The following SATB1 variants were observed in gnomAD, a reference collection of about 807,000 sequenced individuals.
SATB1 encodes DNA-binding protein SATB1.
Under a neutral mutation model 86.9 loss-of-function variants are expected in SATB1, and 11 were observed. The observed-to-expected ratio is 0.13, with a 90% CI of 0.08 to 0.21. The LOEUF (loss-of-function observed/expected upper bound fraction) is 0.21, where lower values mean the gene tolerates loss of function less well. Ranked by LOEUF, SATB1 falls within the 10% of genes least tolerant of loss-of-function variation. The pLI, the probability that SATB1 is intolerant of heterozygous loss-of-function variation, is 1.00. For missense variants in SATB1, 551 were observed against 937.6 expected, an observed-to-expected ratio of 0.59 and a Z score of 5.39; for synonymous variants, 357 against 357.2, an observed-to-expected ratio of 1.00 and a Z score of 0.01.
intron 9 of SATB1, among the ~76,000 whole-genome samples, chr3:18,359,853 T>G (rs1222680493): frequency 6.6e-6 from 1 of 151,892 alleles, no homozygotes; most frequent in Non-Finnish European, 1.5e-5. Flanking sequence ...TGGTGTAACA[T>G]TTTCATCAGT....
rs1694059965 is a variant in SATB1 at position 18,346,424 on chromosome 3, A to G, written c.*2746T>C. The G allele has an allele frequency of 1.3e-5, 2 of 152,288 alleles. No individual in the cohort carries two copies. Among genetic ancestry groups the G allele is most frequent in the South Asian group, 4.1e-4 (2 of 4,826 alleles). 9.4% of individuals were successfully genotyped at this position (152,288 alleles called of 1,614,324 possible). A position where few individuals can be genotyped will look rare whatever the true frequency, so the allele number is the denominator to read the frequency against. ...TGAAGCTTGTTAAAGGAATTTTACC[A>G]TAGCCACAGGTAACAAGAGGAGGAT... On this transcript the variant is annotated 3_prime_UTR_variant, in exon 11 of 11. Transcript: ENST00000338745.
intron 8 of SATB1, among the ~76,000 whole-genome samples, chr3:18,385,963 TA>T (rs1696324219): frequency 6.6e-6 from 1 of 152,178 alleles, no homozygotes; most frequent in Non-Finnish European, 1.5e-5. Context: ...AGATGGTGTG[TA>T]ATTGGTACCA....
chr3:18,407,078 G>C (rs544185172), intron 5 of SATB1, among the ~76,000 whole-genome samples: 1 of 152,120 alleles, frequency 6.6e-6, no homozygotes, highest in Non-Finnish European at 1.5e-5. Flanking sequence ...CATAAGGAGA[G>C]GACAGAACCT....
Position 18,434,399 on chromosome 3 carries a change from A to AT in SATB1, c.-25+2389_-25+2390insA, listed in dbSNP as rs532888487. On this transcript the variant is annotated intron_variant, in intron 2 of 3. Coordinates refer to the SATB1 transcript ENST00000414509. The stretch of plus-strand genomic sequence containing the variant: ...TAAGAATAAGTATATATATATATAT[A>AT]AAATATACACATAGCATAACATTTT... Among the ~76,000 whole-genome samples the AT allele has an allele frequency of 5.7e-3, 861 of 151,870 alleles. 11 individuals are homozygous for AT. The highest frequency in any genetic ancestry group is 0.02 in the African/African-American group (816 of 41,488).
intron 5 of SATB1, among the ~76,000 whole-genome samples, chr3:18,402,154 T>C (rs1470986803): frequency 2.6e-5 from 4 of 152,134 alleles, no homozygotes; most frequent in African/African-American, 9.6e-5. Flanking sequence ...ATATGTACTG[T>C]AGGTATATAT....
chr3:18,409,853 T>C (rs1697743147), intron 5 of SATB1, among the ~76,000 whole-genome samples: 1 of 152,020 alleles, frequency 6.6e-6, no homozygotes, highest in Non-Finnish European at 1.5e-5. Context: ...ATGGAGCTGC[T>C]CGTAAAAGAC....
chr3:18,372,164 ATTGCTGTAAAGGGACCACTC>A (rs1695507092), intron 9 of SATB1, among the ~76,000 whole-genome samples: 1 of 152,200 alleles, frequency 6.6e-6, no homozygotes, highest in South Asian at 2.1e-4. Flanking sequence ...TATATGCTGG[ATTGCTGTAAAGGGACCACTC>A]TTGCAGTGAA....
In SATB1 at chr3:18,420,860, G is replaced by T; in HGVS notation, c.108C>A (p.Asn36Lys). The T allele has an allele frequency of 6.2e-7, 1 of 1,614,124 alleles. No individual in the cohort carries two copies. Among genetic ancestry groups the T allele is most frequent in the Non-Finnish European group, 8.5e-7 (1 of 1,180,016 alleles). ...PPAKIARLEQ[N>K]GSPLGRGRLG... is the part of the protein sequence containing the mutation. ...GCCTTCCTCTTCCTAGCGGGCTCCC[G>T]TTCTGCTCCAGGCGGGCAATCTTGG... Residue 36 changes from asparagine (N) to lysine (K), a missense_variant, in exon 2 of 11, where the codon AAC (asparagine) becomes AAA (lysine). This residue lies in a region of SATB1 where 153 missense variants were observed against 258.1 expected (regional missense o/e 0.59). Transcript: ENST00000338745.
At chr3:18,371,570 G>A (rs180972657) in intron 9 of SATB1, among the ~76,000 whole-genome samples, 7 of 152,094 alleles carry the variant, frequency 4.6e-5, no homozygotes, top group Admixed American at 1.3e-4. Flanking sequence ...TTTTACTAAC[G>A]TAAGTTCTTC....
chr3:18,389,367 T>C (rs150627733), intron 7 of SATB1, among the ~76,000 whole-genome samples: 1 of 151,186 alleles, frequency 6.6e-6, no homozygotes, highest in Non-Finnish European at 1.5e-5. Flanking sequence ...TGATAATTAC[T>C]TAAAAAAAAA....
At chr3:18,364,910 C>T (rs1022211096) in intron 9 of SATB1, among the ~76,000 whole-genome samples, 5 of 151,888 alleles carry the variant, frequency 3.3e-5, no homozygotes, top group Admixed American at 6.6e-5. Context: ...CAGTCACTAC[C>T]ACAGGGGTTC....
upstream of SATB1, among the ~76,000 whole-genome samples, chr3:18,440,216 T>C (rs1699200819): frequency 6.6e-6 from 1 of 152,208 alleles, no homozygotes; most frequent in South Asian, 2.1e-4. Context: ...GATGACTATT[T>C]TAAGTGGCAT....
intron 1 of SATB1, chr3:18,445,204 G>A (rs918591063): frequency 4.1e-6 from 4 of 980,818 alleles, no homozygotes; most frequent in Non-Finnish European, 4.8e-6. Flanking sequence ...CCCAGCGCCC[G>A]CCCGGCTTCT....
chr3:18,385,536 T>C (rs890822800), intron 8 of SATB1, among the ~76,000 whole-genome samples: 1 of 150,718 alleles, frequency 6.6e-6, no homozygotes, highest in Non-Finnish European at 1.5e-5. Context: ...GGCAGGAGAA[T>C]GGCGTGAACC....
chr3:18,443,832 A>G lies in SATB1; in HGVS notation c.-25+1686T>C, dbSNP rs1249015437. ...CTGTGATGTCCCGGCCCCTGCTAAG[A>G]GGACGGCCCTTTCTTCTGCCTCTTG... On this transcript the variant is annotated intron_variant, in intron 1 of 3. Transcript: ENST00000415069. This position sits in a 1 kb window ranked among gnomAD's most constrained non-coding sequence, Gnocchi z 4.4. Among the ~76,000 whole-genome samples, 1 of 152,172 alleles carries G rather than the reference A, an allele frequency of 6.6e-6. No homozygotes were observed. Among genetic ancestry groups the G allele is most frequent in the African/African-American group, 2.4e-5 (1 of 41,434 alleles).
intron 9 of SATB1, among the ~76,000 whole-genome samples, chr3:18,366,544 G>C (rs796112623): frequency 9.2e-5 from 14 of 152,162 alleles, no homozygotes; most frequent in African/African-American, 3.4e-4. Flanking sequence ...TATTTAAAGA[G>C]GAAAGTCTTT....
intron 9 of SATB1, among the ~76,000 whole-genome samples, chr3:18,359,807 TA>T (rs575619571): frequency 6.6e-6 from 1 of 151,426 alleles, no homozygotes; most frequent in Non-Finnish European, 1.5e-5. Flanking sequence ...CTGGTATCAT[TA>T]AAAAAAACAG....
chr3:18,418,963 CAA>C (rs775011583), intron 2 of SATB1, among the ~76,000 whole-genome samples: 3 of 152,116 alleles, frequency 2.0e-5, no homozygotes, highest in Non-Finnish European at 2.9e-5. Flanking sequence ...CTGATATCTT[CAA>C]AGAGTTGGGT....
Position 18,386,434 on chromosome 3 carries a change from G to C in SATB1, c.1384C>G (p.Pro462Ala). ...LNAASAMGPA[P>A]LISTPPSRPP... ...CGGCTGGGTGGTGTGCTGATGAGGG[G>C]GGCAGGACCCATGGCCGAGGCAGCA... The change falls in exon 8 of 11, where the codon CCC becomes GCC. Residue 462 changes from proline to alanine, a missense_variant. Transcript: ENST00000338745. The surrounding 1 kb of genome is among the most constrained non-coding windows in gnomAD (Gnocchi z 4.5). 6.2e-7 allele frequency: 1 copy of C among 1,613,948 alleles called. No homozygotes were observed.
Sources: gnomAD v4.1 joint callset for allele counts (sites outside exome capture counted in the v4.1 genomes callset) on GRCh38, gnomAD v4.1.1 for gene constraint, gnomAD v4.1.1 regional missense constraint, Gnocchi (gnomAD v3.1) non-coding constraint, MANE v1.5 for transcripts, NCBI Gene and HGNC (gene_info 2026-07-23, HGNC 2026-07-21) for gene names.